The following ABI3 variants were observed in gnomAD, a reference collection of about 807,000 sequenced individuals.
The protein encoded by ABI3 is ABI family member 3, also known as ABI gene family member 3.
ABI3 carries 24 observed loss-of-function variants against 37.0 expected under a neutral mutation model. The ratio of observed to expected loss-of-function variants is 0.65; its 90% confidence interval spans 0.47 to 0.91. ABI3 has a LOEUF of 0.91. Among genes scored for constraint, ABI3 ranks in the 40% least tolerant of loss-of-function variants. The probability of loss-of-function intolerance (pLI) is 0.00; values close to 1 mark genes in which losing one functional copy is unlikely to be tolerated. For missense variants in ABI3, 481 were observed against 485.1 expected (o/e 0.99, Z 0.08); for synonymous variants, 220 against 211.8 (o/e 1.04, Z -0.34).
At chr17:49,217,541 AAG>A (rs1295405682) in intron 2 of ABI3, among the ~76,000 whole-genome samples, 196 bp from the exon 3 acceptor site, 5 of 141,894 alleles carry the variant, frequency 3.5e-5, no homozygotes, top group African/African-American at 1.3e-4. Flanking sequence ...AGTTGCTCCA[AAG>A]TGGCTCCATC....
At position 49,219,866 on chromosome 17, in the gene ABI3, C is replaced by T. The variant is rs761757074; in HGVS notation, c.557C>T (p.Pro186Leu). 2 of 1,544,312 alleles carry T rather than the reference C, an allele frequency of 1.3e-6. No homozygotes were observed. Among genetic ancestry groups the T allele is most frequent in the Admixed American group, 1.9e-5 (1 of 51,676 alleles). ...TCCCTGCCCCCCGCCAGGAGACCACCCCGGATTCCCGAGCCAGTGCACCTG... is the reference window on the plus strand; with the variant it reads ...TCCCTGCCCCCCGCCAGGAGACCACTCCGGATTCCCGAGCCAGTGCACCTG... Reference protein sequence around the residue: ...TPASATLGRPPRIPEPVHLPV... With the variant: ...TPASATLGRPLRIPEPVHLPV... The change falls in exon 5 of 8, where the codon CCC becomes CTC. Residue 186 changes from proline to leucine, a missense_variant. Transcript: ENST00000225941. This position sits in a 1 kb window ranked among gnomAD's most constrained non-coding sequence, Gnocchi z 4.3.
rs575757578 is a variant in ABI3, at chr17:49,217,655, C to T, written c.286-84C>T. Reference sequence around the variant, plus strand: ...GACCTGGCTGCCTCCCCCCCCCAGCCCAGTCTTTATCTTCTTCCTCCTTAG... The same window carrying T: ...GACCTGGCTGCCTCCCCCCCCCAGCTCAGTCTTTATCTTCTTCCTCCTTAG... On this transcript the variant is annotated intron_variant, in intron 2 of 7. Coordinates refer to ENST00000225941, the MANE Select transcript of ABI3 (RefSeq NM_016428.3). The T allele has an allele frequency of 2.7e-5, 36 of 1,345,550 alleles. No individual in the cohort carries two copies. The East Asian group carries it at 9.7e-4, about 36-fold the overall frequency. The allele number at this position is 1,345,550 out of a possible 1,614,324, so 83.4% of individuals were successfully genotyped here. A position where few individuals can be genotyped will look rare whatever the true frequency, so the allele number is the denominator to read the frequency against.
At chr17:49,215,441 T>C (rs949984875) in intron 1 of ABI3, among the ~76,000 whole-genome samples, 3 of 152,120 alleles carry the variant, frequency 2.0e-5, no homozygotes, top group Non-Finnish European at 2.9e-5. Flanking sequence ...GTTTCCTTAT[T>C]TGAGTTCCCA....
At chr17:49,211,863 C>T (rs1280279303) in intron 1 of ABI3, among the ~76,000 whole-genome samples, 1 of 151,936 alleles carries the variant, frequency 6.6e-6, no homozygotes. Flanking sequence ...AGGCTGGTCT[C>T]GAACTCCTGA....
chr17:49,219,989 T>C lies in ABI3; in HGVS notation c.644+36T>C. On this transcript the variant is annotated intron_variant, in intron 5 of 7. Transcript: ENST00000225941. This position sits in a 1 kb window ranked among gnomAD's most constrained non-coding sequence, Gnocchi z 4.3. ...CAAGCCCACGTGGGTGGGTGGGGGG[T>C]GGGAAGTGGCTTTTGAGAGGGGCCA... The C allele has an allele frequency of 4.9e-6, 4 of 819,650 alleles. No individual in the cohort carries two copies. The highest frequency in any genetic ancestry group is 8.1e-6 in the Non-Finnish European group (4 of 496,350). 50.8% of individuals were successfully genotyped at this position (819,650 alleles called of 1,614,324 possible). A position where few individuals can be genotyped will look rare whatever the true frequency, so the allele number is the denominator to read the frequency against.
In ABI3 at chr17:49,222,607, G is replaced by C. The variant is rs1189462288; in HGVS notation, c.993G>C (p.Glu331Asp). The change falls in exon 8 of 8, where the codon GAG (glutamate) becomes GAC (aspartate). Residue 331 changes from glutamate (E) to aspartate (D), a missense_variant. Glu to Asp is a conservative substitution (Grantham distance 45). Transcript: ENST00000225941. Reference protein sequence around the residue: ...SQKDNELSFSEGTVICVTRRY... With the variant: ...SQKDNELSFSDGTVICVTRRY... ...AGGACAATGAGCTCTCCTTCTCTGA[G>C]GGCACTGTCATCTGTGTCACTCGCC... 5.0e-6 allele frequency: 8 copies of C among 1,614,008 alleles called. No individual in the cohort carries two copies. Among genetic ancestry groups the C allele is most frequent in the Non-Finnish European group, 6.8e-6 (8 of 1,180,016 alleles).
Position 49,219,730 on chromosome 17 carries a change from G to A in ABI3, c.548+105G>A, listed in dbSNP as rs2043260185. On this transcript the variant is annotated intron_variant, in intron 4 of 7. Coordinates refer to ENST00000225941, the MANE Select transcript of ABI3 (RefSeq NM_016428.3). The surrounding 1 kb of genome is among the most constrained non-coding windows in gnomAD (Gnocchi z 4.3). ...CACCCCTGGCGCCCCCGGGTGCTCA[G>A]GCCGTCATGCTGGATGCCTGGCGCC... 4 of 1,418,106 alleles carry A rather than the reference G, an allele frequency of 2.8e-6. No individual in the cohort carries two copies. Among genetic ancestry groups the A allele is most frequent in the Non-Finnish European group, 1.9e-6 (2 of 1,036,098 alleles). 87.8% of individuals were successfully genotyped at this position (1,418,106 alleles called of 1,614,324 possible). A position where few individuals can be genotyped will look rare whatever the true frequency, so the allele number is the denominator to read the frequency against.
At position 49,217,905 on chromosome 17, in the gene ABI3, A is replaced by G. The variant is rs754730132; in HGVS notation, c.452A>G (p.His151Arg). ...LNFGCLDDIG[H>R]GIKDLSTQLS... is the part of the protein sequence containing the mutation. Reference sequence around the variant, plus strand: ...TTTGGCTGCCTGGACGACATTGGCCATGGGATCAAGGTAGAGAGAGGGGCC... The same window carrying G: ...TTTGGCTGCCTGGACGACATTGGCCGTGGGATCAAGGTAGAGAGAGGGGCC... The change falls in exon 3 of 8, where the codon CAT becomes CGT. Residue 151 changes from histidine (H) to arginine (R), a missense_variant. His to Arg is a conservative substitution (Grantham distance 29). Coordinates refer to ENST00000225941, the MANE Select transcript of ABI3 (RefSeq NM_016428.3). 2 of 1,563,728 alleles carry G rather than the reference A, an allele frequency of 1.3e-6. No homozygotes were observed. Among genetic ancestry groups the G allele is most frequent in the Non-Finnish European group, 1.7e-6 (2 of 1,159,296 alleles).
At position 49,216,613 on chromosome 17, in the gene ABI3, A is replaced by G; in HGVS notation, c.200A>G (p.Asn67Ser). The change falls in exon 2 of 8, where the codon AAC becomes AGC. Residue 67 changes from asparagine to serine, a missense_variant. Coordinates refer to ENST00000225941, the MANE Select transcript of ABI3 (RefSeq NM_016428.3). ...GCCAGCGTGGCCTACCAGGTGGGCA[A>G]CCTGGCCGGGCACACTCTGCGCATG... ...ALASVAYQVG[N>S]LAGHTLRMLD... The G allele has an allele frequency of 6.2e-7, 1 of 1,611,806 alleles. No homozygotes were observed. The highest frequency in any genetic ancestry group is 8.5e-7 in the Non-Finnish European group (1 of 1,179,198).
rs2143504711 is a variant in ABI3 at position 49,210,868 on chromosome 17, A to G, written c.117+27A>G. The G allele has an allele frequency of 1.3e-6, 2 of 1,525,546 alleles. No homozygotes were observed. The highest frequency in any genetic ancestry group is 4.9e-5 in the East Asian group (2 of 40,454). 94.5% of individuals were successfully genotyped at this position (1,525,546 alleles called of 1,614,324 possible). A position where few individuals can be genotyped will look rare whatever the true frequency, so the allele number is the denominator to read the frequency against. On this transcript the variant is annotated intron_variant, in intron 1 of 7. Coordinates refer to ENST00000225941, the MANE Select transcript of ABI3 (RefSeq NM_016428.3). The surrounding 1 kb of genome is among the most constrained non-coding windows in gnomAD (Gnocchi z 4.2). ...TAGGTAGAGCGGGCGGAAGCCTGAC[A>G]CCCCAGCCCCCGGAGGGGGGACCCT...
chr17:49,210,739 G>C lies in ABI3; in HGVS notation c.15G>C (p.Gln5His). 6.4e-7 allele frequency: 1 copy of C among 1,556,122 alleles called. No homozygotes were observed. Among genetic ancestry groups the C allele is most frequent in the Non-Finnish European group, 8.7e-7 (1 of 1,149,870 alleles). The stretch of plus-strand genomic sequence containing the variant: ...GGCTGGGGGTGATGGCGGAGCTACA[G>C]CAGCTGCAGGAGTTTGAGATCCCCA... MAEL[Q>H]QLQEFEIPTG... The change falls in exon 1 of 8, where the codon CAG becomes CAC. Residue 5 changes from glutamine (Q) to histidine (H), a missense_variant. Physicochemically the swap from Gln to His is conservative, Grantham distance 24 (BLOSUM62 0). Transcript: ENST00000225941. This position sits in a 1 kb window ranked among gnomAD's most constrained non-coding sequence, Gnocchi z 4.2.
chr17:49,221,344 G>A (rs543933411), intron 6 of ABI3, among the ~76,000 whole-genome samples: 10 of 151,784 alleles, frequency 6.6e-5, no homozygotes, highest in Non-Finnish European at 7.4e-5. Flanking sequence ...GGTGGCGGGC[G>A]CCTGTAGTCC....
Position 49,222,961 on chromosome 17 carries a change from C to G in ABI3, c.*246C>G. The stretch of plus-strand genomic sequence containing the variant: ...GTCAACAGAGGACCCCTACTCCATG[C>G]AGGACAGGGTCTCCTGCTGCAAGTC... On this transcript the variant is annotated 3_prime_UTR_variant, in exon 8 of 8. Coordinates refer to ENST00000225941, the MANE Select transcript of ABI3 (RefSeq NM_016428.3). 1.8e-6 allele frequency: 1 copy of G among 554,408 alleles called. No individual in the cohort carries two copies. Among genetic ancestry groups the G allele is most frequent in the Non-Finnish European group, 3.2e-6 (1 of 311,850 alleles). The allele number at this position is 554,408 out of a possible 1,614,324, so 34.3% of individuals were successfully genotyped here. A position where few individuals can be genotyped will look rare whatever the true frequency, so the allele number is the denominator to read the frequency against.
intron 1 of ABI3, among the ~76,000 whole-genome samples, chr17:49,215,687 G>A (rs1012666545): frequency 2.6e-5 from 4 of 151,848 alleles, no homozygotes; most frequent in Admixed American, 1.3e-4. Context: ...TAGTAGAGAC[G>A]AGGTTTTGCC....
chr17:49,218,312 C>G (rs995515739), intron 3 of ABI3, among the ~76,000 whole-genome samples: 25 of 152,274 alleles, frequency 1.6e-4, no homozygotes, highest in Non-Finnish European at 3.1e-4. Context: ...AGCAGTCACC[C>G]CAGAGCTGCT....
chr17:49,216,781 T>G (rs2043223454), intron 2 of ABI3, 83 bp downstream of exon 2: 1 of 1,325,224 alleles, frequency 7.5e-7, no homozygotes, highest in Non-Finnish European at 9.8e-7. Context: ...ACATCAAAAG[T>G]TCCTTCCTGC....
At chr17:49,211,864 G>T (rs982936003) in intron 1 of ABI3, among the ~76,000 whole-genome samples, 11 of 151,924 alleles carry the variant, frequency 7.2e-5, no homozygotes, top group African/African-American at 2.2e-4. Context: ...GGCTGGTCTC[G>T]AACTCCTGAC....
At position 49,222,087 on chromosome 17, in the gene ABI3, C is replaced by T; in HGVS notation, c.803-4C>T. On this transcript the variant is annotated splice_polypyrimidine_tract_variant and splice_region_variant and intron_variant, in intron 6 of 7. Transcript: ENST00000225941. The stretch of plus-strand genomic sequence containing the variant: ...ACTTACAGCCTTTCTGCTTTTCCCC[C>T]AAGACGAAGAGCTGCCCCTGCCACT... 6.3e-7 allele frequency: 1 copy of T among 1,590,976 alleles called. No individual in the cohort carries two copies. The highest frequency in any genetic ancestry group is 8.6e-7 in the Non-Finnish European group (1 of 1,168,866).
chr17:49,222,331 C>G, intron 7 of ABI3, 106 bp downstream of exon 7: 1 of 1,468,846 alleles, frequency 6.8e-7, no homozygotes, highest in South Asian at 1.4e-5. Flanking sequence ...CCGGGCCCCC[C>G]ACACAATTTT....
Sources: gnomAD v4.1 joint callset for allele counts (sites outside exome capture counted in the v4.1 genomes callset) on GRCh38, gnomAD v4.1.1 for gene constraint, Gnocchi (gnomAD v3.1) non-coding constraint, MANE v1.5 for transcripts, NCBI Gene and HGNC (gene_info 2026-07-23, HGNC 2026-07-21) for gene names.